Variants in DAAM1 observed in about 807,000 individuals in gnomAD.
DAAM1 encodes the protein disheveled-associated activator of morphogenesis 1.
Under a neutral mutation model 130.0 loss-of-function variants are expected in DAAM1, and 52 were observed. That is an observed-to-expected ratio of 0.40 (90% confidence interval 0.32 to 0.50). The LOEUF (loss-of-function observed/expected upper bound fraction) is 0.50. Ranked by LOEUF, DAAM1 falls within the 20% of genes least tolerant of loss-of-function variation. The pLI is 0.61. For missense variants in DAAM1, 1,134 were observed against 1,303.8 expected (o/e 0.87, Z 2.01); for synonymous variants, 452 against 444.5 (o/e 1.02, Z -0.21).
intron 2 of DAAM1, among the ~76,000 whole-genome samples, chr14:59,276,708 T>G (rs898691082): frequency 6.6e-6 from 1 of 152,206 alleles, no homozygotes; most frequent in Admixed American, 6.5e-5. Flanking sequence ...AGAAAATGGT[T>G]GGTAATTCTG....
intron 1 of DAAM1, among the ~76,000 whole-genome samples, chr14:59,257,405 A>G (rs1881948811): frequency 6.6e-6 from 1 of 151,620 alleles, no homozygotes; most frequent in African/African-American, 2.4e-5. Context: ...TCAAATATGT[A>G]TATCATGCTA....
chr14:59,266,856 A>G (rs896891204), intron 2 of DAAM1, among the ~76,000 whole-genome samples: 2 of 152,218 alleles, frequency 1.3e-5, no homozygotes, highest in African/African-American at 4.8e-5. Flanking sequence ...CCCAAATGCC[A>G]GCTCTGTAGC....
intron 23 of DAAM1, 27 bp from the exon 24 acceptor site, chr14:59,367,402 G>T: frequency 1.3e-6 from 2 of 1,567,942 alleles, no homozygotes; most frequent in South Asian, 2.4e-5. Context: ...ATGAAACATT[G>T]ACTTCTTAAA....
At chr14:59,203,445 A>G (rs1888173487) in intron 1 of DAAM1, among the ~76,000 whole-genome samples, 1 of 152,194 alleles carries the variant, frequency 6.6e-6, no homozygotes, top group Non-Finnish European at 1.5e-5. Flanking sequence ...TTATTAAAAA[A>G]CATTTAAAAG....
intron 2 of DAAM1, among the ~76,000 whole-genome samples, chr14:59,266,445 A>G (rs1418370979): frequency 6.6e-6 from 1 of 152,172 alleles, no homozygotes; most frequent in Non-Finnish European, 1.5e-5. Context: ...AAGACAGCTC[A>G]TTGTTCTGTA....
intron 5 of DAAM1, among the ~76,000 whole-genome samples, chr14:59,321,573 G>A (rs1885010872): frequency 6.6e-6 from 1 of 152,160 alleles, no homozygotes; most frequent in South Asian, 2.1e-4. Context: ...ATGCCTCTAG[G>A]ATTTGCTGAG....
At chr14:59,225,028 T>TG (rs1555356030) in intron 1 of DAAM1, among the ~76,000 whole-genome samples, 2 of 138,410 alleles carry the variant, frequency 1.4e-5, no homozygotes, top group East Asian at 2.1e-4. Context: ...GGTTTTTTTT[T>TG]TTTTTTTTTT....
chr14:59,334,645 A>T (rs897447949), intron 15 of DAAM1, among the ~76,000 whole-genome samples: 1 of 152,228 alleles, frequency 6.6e-6, no homozygotes, highest in Admixed American at 6.5e-5. Context: ...TATAATTTAG[A>T]TGAATACTGA....
At position 59,340,132 on chromosome 14, in the gene DAAM1, C is replaced by T. The variant is rs763633195; in HGVS notation, c.2027C>T (p.Ser676Leu). 4 of 1,613,476 alleles carry T rather than the reference C, an allele frequency of 2.5e-6. No individual in the cohort carries two copies. The highest frequency in any genetic ancestry group is 1.1e-5 in the South Asian group (1 of 91,042). Residue 676 changes from serine to leucine, a missense_variant, in exon 16 of 25, where the codon TCG becomes TTG. Ser to Leu is a moderately radical substitution (Grantham distance 145). Transcript: ENST00000360909. The part of the protein sequence containing the change: ...LSSKLKVKEL[S>L]VIDGRRAQNC... ...TCCAAACTTAAAGTTAAAGAGCTTTCGGTGATTGATGGTCGGAGAGCTCAG... is the reference window on the plus strand; with the variant it reads ...TCCAAACTTAAAGTTAAAGAGCTTTTGGTGATTGATGGTCGGAGAGCTCAG...
chr14:59,343,350 A>G (rs968071660), intron 16 of DAAM1, among the ~76,000 whole-genome samples: 1 of 152,206 alleles, frequency 6.6e-6, no homozygotes, highest in Non-Finnish European at 1.5e-5. Flanking sequence ...ATGACTAAGG[A>G]CAGCCTGGAG....
intron 15 of DAAM1, among the ~76,000 whole-genome samples, chr14:59,336,623 G>T (rs915357371): frequency 6.6e-6 from 1 of 152,124 alleles, no homozygotes; most frequent in South Asian, 2.1e-4. Context: ...ACTCTTGCTT[G>T]GCATTCTTCA....
At chr14:59,269,855 T>A (rs1001189282) in intron 2 of DAAM1, among the ~76,000 whole-genome samples, 1 of 152,106 alleles carries the variant, frequency 6.6e-6, no homozygotes, top group Non-Finnish European at 1.5e-5. Context: ...CTCAGGTAAC[T>A]GAAAGAAGTT....
chr14:59,307,099 C>G (rs1032038502), intron 3 of DAAM1, among the ~76,000 whole-genome samples: 14 of 152,326 alleles, frequency 9.2e-5, no homozygotes, highest in Admixed American at 1.3e-4. Context: ...TGCTAAGCTG[C>G]AGTTATAGTG....
chr14:59,242,312 T>G (rs984449806), intron 1 of DAAM1, among the ~76,000 whole-genome samples: 1 of 152,198 alleles, frequency 6.6e-6, no homozygotes, highest in Non-Finnish European at 1.5e-5. Context: ...TCCATTATTA[T>G]ATGCCTAGTA....
At chr14:59,252,827 C>T (rs1881707413) in intron 1 of DAAM1, among the ~76,000 whole-genome samples, 1 of 152,212 alleles carries the variant, frequency 6.6e-6, no homozygotes, top group Admixed American at 6.5e-5. Context: ...GGAGACAGAG[C>T]ATCTCATTTA....
intron 10 of DAAM1, 101 bp from the exon 11 acceptor site, chr14:59,326,409 C>A: frequency 8.3e-7 from 1 of 1,208,470 alleles, no homozygotes; most frequent in African/African-American, 1.5e-5. Flanking sequence ...TTATAAACAT[C>A]TCTGGTTTGG....
chr14:59,194,215 C>G (rs914166442), intron 1 of DAAM1, among the ~76,000 whole-genome samples: 1 of 152,192 alleles, frequency 6.6e-6, no homozygotes, highest in Non-Finnish European at 1.5e-5. Context: ...TCCTTTGAGT[C>G]TCTTAATTCT....
At chr14:59,352,672 CCTTT>C in intron 18 of DAAM1, 40 bp downstream of exon 18, 1 of 1,526,416 alleles carries the variant, frequency 6.6e-7, no homozygotes, top group Non-Finnish European at 9.0e-7. Flanking sequence ...ATGTCACTTC[CCTTT>C]CTAAGCTTCA....
chr14:59,252,364 A>C (rs1330838151), intron 1 of DAAM1, among the ~76,000 whole-genome samples: 1 of 152,252 alleles, frequency 6.6e-6, no homozygotes, highest in African/African-American at 2.4e-5. Flanking sequence ...GTGTCCTTGC[A>C]GTAACTAAAT....
Sources: allele counts gnomAD v4.1 joint callset (sites outside exome capture counted in the v4.1 genomes callset), GRCh38; gene constraint gnomAD v4.1.1; transcripts MANE v1.5; gene names NCBI Gene and HGNC (gene_info 2026-07-23, HGNC 2026-07-21).